WNK2: variants seen among roughly 807,000 people sequenced by gnomAD.
The protein encoded by WNK2 is serine/threonine-protein kinase WNK2.
WNK2 carries 67 observed loss-of-function variants against 192.1 expected under a neutral mutation model. The ratio of observed to expected loss-of-function variants is 0.35; its 90% CI spans 0.29 to 0.43. The LOEUF (loss-of-function observed/expected upper bound fraction) is 0.43. Among genes scored for constraint, WNK2 ranks in the 20% least tolerant of loss-of-function variants. WNK2 has a pLI of 1.00. For synonymous variants in WNK2, 1,439 were observed against 1,393.9 expected, an observed-to-expected ratio of 1.03 and a Z score of -0.72; for missense variants, 2,698 against 3,089.7, an observed-to-expected ratio of 0.87 and a Z score of 3.01.
At chr9:93,306,724 TG>T in intron 26 of WNK2, 52 bp from the exon 27 acceptor site, 2 of 1,609,668 alleles carry the variant, frequency 1.2e-6, no homozygotes, top group Non-Finnish European at 1.7e-6. Context: ...TGTCCCAGTG[TG>T]TGCTGTTCTG....
At chr9:93,306,975 C>A in intron 27 of WNK2, 154 bp downstream of exon 27, 1 of 910,098 alleles carries the variant, frequency 1.1e-6, no homozygotes. Flanking sequence ...CACTGCTTCG[C>A]TTCTGCCTGG....
rs1317413276 is a variant in WNK2 at position 93,256,392 on chromosome 9, C to G, written c.2128C>G (p.Leu710Val). 6.4e-7 allele frequency: 1 copy of G among 1,554,746 alleles called. No individual in the cohort carries two copies. Among genetic ancestry groups the G allele is most frequent in the East Asian group, 2.4e-5 (1 of 41,802 alleles). Residue 710 changes from leucine (L) to valine (V), a missense_variant, in exon 10 of 30, where the codon CTG becomes GTG. Around this residue, in one of 7 missense-constraint regions of WNK2, gnomAD observed 893 missense variants for 909.0 expected, o/e 0.98. Transcript: ENST00000427277. ...TCCGGCCATGAGCTTCGCCCCCGTG[C>G]TGCCGCCGCCCAGCACCCCCATGCC... is the stretch of plus-strand genomic sequence containing the variant. ...PDPAMSFAPV[L>V]PPPSTPMPTG...
At chr9:93,189,348 G>A (rs1199300068) in intron 2 of WNK2, among the ~76,000 whole-genome samples, 2 of 152,188 alleles carry the variant, frequency 1.3e-5, no homozygotes, top group African/African-American at 4.8e-5. Flanking sequence ...ACTTCATAGA[G>A]ACGTACATTC....
chr9:93,292,598 G>A lies in WNK2; in HGVS notation c.5133G>A (p.Val1711=), dbSNP rs765497718. The change falls in exon 23 of 30, where the codon GTG becomes GTA. Residue 1711 remains valine, a synonymous_variant. Transcript: ENST00000427277. The part of the protein sequence containing the change: ...AEPPPSDMGT[V]GGQASHPQTL... The stretch of plus-strand genomic sequence containing the variant: ...CCCCGCCGAGTGACATGGGCACAGT[G>A]GGGGGCCAGGCTAGCCACCCCCAGA... 1 of 1,580,280 alleles carries A rather than the reference G, an allele frequency of 6.3e-7. No individual in the cohort carries two copies. The highest frequency in any genetic ancestry group is 1.8e-5 in the Admixed American group (1 of 55,692).
Position 93,297,627 on chromosome 9 carries a change from G to A in WNK2, c.5709-226G>A, listed in dbSNP as rs143025855. On this transcript the variant is annotated intron_variant, in intron 23 of 29. Transcript: ENST00000427277. ...TAGCCTGGCCCGTGCTGTTGGGCAC[G>A]TCGATGCCAGAGGCCCACTACCTTG... 9.2e-3 allele frequency among the ~76,000 whole-genome samples: 1,409 copies of A among 152,344 alleles called. 25 individuals carry two copies. The highest frequency in any genetic ancestry group is 0.032 in the African/African-American group (1,326 of 41,580).
intron 2 of WNK2, among the ~76,000 whole-genome samples, chr9:93,186,715 G>A (rs1191700110): frequency 6.6e-6 from 1 of 152,214 alleles, no homozygotes; most frequent in African/African-American, 2.4e-5. Context: ...GGTGGCCTGC[G>A]TGTGTGTGCA....
chr9:93,254,844 C>T (rs1349485621), intron 9 of WNK2, among the ~76,000 whole-genome samples: 1 of 152,158 alleles, frequency 6.6e-6, no homozygotes, highest in Non-Finnish European at 1.5e-5. Flanking sequence ...ACTTGCTGCT[C>T]CAGAGTGGTG....
At position 93,259,106 on chromosome 9, in the gene WNK2, C is replaced by A. The variant is rs755076404; in HGVS notation, c.2558C>A (p.Ala853Asp). 9.9e-6 allele frequency: 16 copies of A among 1,612,542 alleles called. No homozygotes were observed. Among genetic ancestry groups the A allele is most frequent in the Non-Finnish European group, 1.3e-5 (15 of 1,179,510 alleles). The change falls in exon 12 of 30, where the codon GCC becomes GAC. Residue 853 changes from alanine to aspartate, a missense_variant. Around this residue, in one of 7 missense-constraint regions of WNK2, gnomAD observed 893 missense variants for 909.0 expected, o/e 0.98. Transcript: ENST00000427277. This position sits in a 1 kb window ranked among gnomAD's most constrained non-coding sequence, Gnocchi z 4.8. ...LAAPLPPASP[A>D]LPLQAVKLPH... ...GCCCCACTCCCCCCTGCGTCCCCAG[C>A]CTTGCCTCTGCAGGCTGTGAAGCTG...
intron 2 of WNK2, among the ~76,000 whole-genome samples, chr9:93,206,543 A>G (rs1004029879): frequency 7.6e-6 from 1 of 131,896 alleles, no homozygotes; most frequent in African/African-American, 2.9e-5. Flanking sequence ...CTAGGCAGCC[A>G]TATTTAGTGT....
chr9:93,213,639 A>G (rs575772531), intron 2 of WNK2, among the ~76,000 whole-genome samples: 1 of 152,126 alleles, frequency 6.6e-6, no homozygotes, highest in African/African-American at 2.4e-5. Context: ...AAAATACAAA[A>G]TTAGCCGGGC....
intron 19 of WNK2, among the ~76,000 whole-genome samples, chr9:93,285,702 A>C (rs1289343531): frequency 6.6e-6 from 1 of 152,256 alleles, no homozygotes; most frequent in African/African-American, 2.4e-5. Flanking sequence ...CACACTGATT[A>C]TATACTCTTT....
intron 8 of WNK2, among the ~76,000 whole-genome samples, chr9:93,252,614 G>A (rs1842741906): frequency 6.6e-6 from 1 of 152,346 alleles, no homozygotes; most frequent in African/African-American, 2.4e-5. Context: ...CGGGCTGGTT[G>A]TGGGTACCTG....
At chr9:93,226,089 G>A (rs1328371851) in intron 2 of WNK2, among the ~76,000 whole-genome samples, 1 of 152,204 alleles carries the variant, frequency 6.6e-6, no homozygotes, top group Non-Finnish European at 1.5e-5. Flanking sequence ...GTAGAATTCT[G>A]AGTTAGCACT....
intron 2 of WNK2, among the ~76,000 whole-genome samples, chr9:93,199,072 C>T (rs1044077071): frequency 6.6e-6 from 1 of 152,220 alleles, no homozygotes; most frequent in Non-Finnish European, 1.5e-5. Context: ...TGCCTCCATG[C>T]TGTCCCCTGT....
intron 3 of WNK2, 147 bp from the exon 4 acceptor site, chr9:93,230,741 C>A: frequency 1.3e-6 from 1 of 784,838 alleles, no homozygotes; most frequent in Non-Finnish European, 2.0e-6. Context: ...CCGGCCCTCC[C>A]GTCTCACCTT....
intron 8 of WNK2, among the ~76,000 whole-genome samples, chr9:93,250,728 A>G (rs10821099): frequency 0.3 from 45,188 of 151,308 alleles, 6,916 homozygotes; most frequent in South Asian, 0.52. Flanking sequence ...ATTTACCAAT[A>G]GTTTCAAAAA....
Position 93,319,237 on chromosome 9 carries a change from C to T in WNK2, c.6629-1130C>T, listed in dbSNP as rs958202074. ...TGTGAAACAACATCTTTTTCTTACC[C>T]TCTATCCATATAAAATCCAAAGCAA... On this transcript the variant is annotated intron_variant, in intron 29 of 29. Transcript: ENST00000427277. 4.4e-6 allele frequency: 7 copies of T among 1,595,148 alleles called. No individual in the cohort carries two copies. In the African/African-American group the frequency reaches 9.4e-5, roughly 21 times the overall value.
chr9:93,306,647 C>G, intron 26 of WNK2, 130 bp from the exon 27 acceptor site: 1 of 1,220,834 alleles, frequency 8.2e-7, no homozygotes, highest in South Asian at 1.2e-5. Context: ...GGTCGGCCCT[C>G]TCTCTGAACT....
chr9:93,268,604 G>C, intron 18 of WNK2, 23 bp from the exon 19 acceptor site: 2 of 1,601,384 alleles, frequency 1.2e-6, no homozygotes, highest in Non-Finnish European at 8.5e-7. Context: ...CACTCAGCGT[G>C]CTGTTTCTGT....
Sources: allele counts gnomAD v4.1 joint callset (sites outside exome capture counted in the v4.1 genomes callset), GRCh38; gene constraint gnomAD v4.1.1; regional missense constraint gnomAD v4.1.1; non-coding constraint Gnocchi (gnomAD v3.1); transcripts MANE v1.5; gene names NCBI Gene and HGNC (gene_info 2026-07-23, HGNC 2026-07-21).